Variants in ENTREP1 observed in about 807,000 individuals in gnomAD.
The protein encoded by ENTREP1 is endosomal transmembrane epsin interactor 1.
At chr9:69,346,189 G>T in the ENTREP1 span, among the ~76,000 whole-genome samples, 1 of 151,974 alleles carries the variant, frequency 6.6e-6, no homozygotes, top group Non-Finnish European at 1.5e-5. Context: ...CACCATGTTG[G>T]CCAGGCTGGT....
At chr9:69,386,144 T>C in the ENTREP1 span, 24 of 451,236 alleles carry the variant, frequency 5.3e-5, no homozygotes, top group East Asian at 5.1e-4. Context: ...TTAAGGATGG[T>C]AGGGTTTTTT....
the ENTREP1 span, among the ~76,000 whole-genome samples, chr9:69,378,744 G>A: frequency 7.4e-6 from 1 of 135,360 alleles, no homozygotes; most frequent in East Asian, 2.0e-4. Flanking sequence ...GGGTGAGAGC[G>A]AGACTTTGTC....
the ENTREP1 span, among the ~76,000 whole-genome samples, chr9:69,339,157 C>G: frequency 2.0e-5 from 3 of 151,942 alleles, no homozygotes; most frequent in Non-Finnish European, 4.4e-5. Context: ...GTAGCTGGGA[C>G]TACAGGCGTG....
chr9:69,371,403 C>A, the ENTREP1 span: 3 of 907,832 alleles, frequency 3.3e-6, no homozygotes, highest in Non-Finnish European at 5.6e-6. Flanking sequence ...AAAAAATGTT[C>A]TCTTGGAAGG....
At chr9:69,333,783 C>T in the ENTREP1 span, among the ~76,000 whole-genome samples, 1 of 152,192 alleles carries the variant, frequency 6.6e-6, no homozygotes, top group African/African-American at 2.4e-5. Flanking sequence ...TATGTTTTCA[C>T]AAGAACAGCT....
At chr9:69,387,838 T>C in the ENTREP1 span, 14 of 1,219,248 alleles carry the variant, frequency 1.1e-5, no homozygotes, top group Non-Finnish European at 1.5e-5. Flanking sequence ...CATCCCCATC[T>C]ATTTGTCATA....
chr9:69,366,384 G>GT, the ENTREP1 span, among the ~76,000 whole-genome samples: 2,800 of 122,998 alleles, frequency 0.023, 86 homozygotes, highest in Non-Finnish European at 0.034. Context: ...TTCCAACTGG[G>GT]GTTTTTTTTT....
the ENTREP1 span, among the ~76,000 whole-genome samples, chr9:69,335,052 C>T: frequency 2.0e-4 from 30 of 152,204 alleles, no homozygotes; most frequent in African/African-American, 3.4e-4. Flanking sequence ...TGAGCCACCG[C>T]GCCCAGCCTG....
chr9:69,364,465 G>A, the ENTREP1 span, among the ~76,000 whole-genome samples: 1 of 151,832 alleles, frequency 6.6e-6, no homozygotes. Context: ...ATGTTGCTGA[G>A]TCGTCTTTGT....
the ENTREP1 span, among the ~76,000 whole-genome samples, chr9:69,351,478 A>G: frequency 1.3e-5 from 2 of 152,190 alleles, no homozygotes; most frequent in Admixed American, 1.3e-4. Context: ...GTATAGTGGC[A>G]TGATCTCGGC....
the ENTREP1 span, among the ~76,000 whole-genome samples, chr9:69,348,554 C>A: frequency 1.3e-5 from 2 of 152,186 alleles, no homozygotes; most frequent in Admixed American, 1.3e-4. Flanking sequence ...GGAATATTTT[C>A]ATCAGCCTCC....
At chr9:69,368,391 G>C in the ENTREP1 span, among the ~76,000 whole-genome samples, 1 of 151,960 alleles carries the variant, frequency 6.6e-6, no homozygotes, top group Non-Finnish European at 1.5e-5. Context: ...TCTGTTGAAG[G>C]GATGTTAAAT....
At chr9:69,353,528 C>T in the ENTREP1 span, among the ~76,000 whole-genome samples, 2 of 152,150 alleles carry the variant, frequency 1.3e-5, no homozygotes, top group African/African-American at 4.8e-5. Context: ...TTCTGCATCA[C>T]CATAATAACA....
the ENTREP1 span, among the ~76,000 whole-genome samples, chr9:69,378,118 A>C: frequency 3.9e-5 from 6 of 152,134 alleles, no homozygotes; most frequent in Non-Finnish European, 8.8e-5. Context: ...TTTCAATTTC[A>C]ATTAGCTTTC....
the ENTREP1 span, among the ~76,000 whole-genome samples, chr9:69,347,372 G>A: frequency 6.0e-4 from 91 of 152,260 alleles, 1 homozygote; most frequent in Middle Eastern, 3.4e-3. Flanking sequence ...CTCCCTGCCC[G>A]TTACCTTCCC....
the ENTREP1 span, among the ~76,000 whole-genome samples, chr9:69,370,958 AATT>A: frequency 6.6e-6 from 1 of 152,190 alleles, no homozygotes; most frequent in Non-Finnish European, 1.5e-5. Context: ...TATTTGTAAT[AATT>A]AACTTTAGAG....
chr9:69,368,477 TA>T, the ENTREP1 span, among the ~76,000 whole-genome samples: 3 of 152,330 alleles, frequency 2.0e-5, no homozygotes, highest in Admixed American at 2.0e-4. Context: ...CATGTTGATC[TA>T]TCCTTGCATG....
the ENTREP1 span, among the ~76,000 whole-genome samples, chr9:69,354,341 C>G: frequency 1.4e-5 from 2 of 145,418 alleles, no homozygotes; most frequent in African/African-American, 2.6e-5. Context: ...ACGGCAACCT[C>G]TGTTTCCTGG....
At chr9:69,371,129 A>G in the ENTREP1 span, 4 of 287,616 alleles carry the variant, frequency 1.4e-5, no homozygotes, top group South Asian at 1.4e-4. Flanking sequence ...TATATTCCAG[A>G]GTTCTGTATT....
Sources: gnomAD v4.1 joint callset for allele counts (sites outside exome capture counted in the v4.1 genomes callset) on GRCh38, gnomAD v4.1.1 for gene constraint, MANE v1.5 for transcripts, NCBI Gene and HGNC (gene_info 2026-07-23, HGNC 2026-07-21) for gene names.